GOLGA3: variants seen among roughly 807,000 people sequenced by gnomAD.
GOLGA3 encodes the protein golgin A3.
GOLGA3 carries 75 observed loss-of-function variants against 169.4 expected under a neutral mutation model. The ratio of observed to expected loss-of-function variants is 0.44; its 90% CI spans 0.37 to 0.54. The LOEUF (loss-of-function observed/expected upper bound fraction) is 0.54, where lower values mean the gene tolerates loss of function less well. Among genes scored for constraint, GOLGA3 ranks in the 20% least tolerant of loss-of-function variants. GOLGA3 has a pLI of 0.00. For missense variants in GOLGA3, 1,899 were observed against 1,930.0 expected (o/e 0.98, Z 0.30); for synonymous variants, 824 against 822.4 (o/e 1.00, Z -0.03).
chr12:132,791,338 G>A (rs372674274), intron 11 of GOLGA3, 45 bp from the exon 12 acceptor site: 4 of 1,103,388 alleles, frequency 3.6e-6, no homozygotes, highest in African/African-American at 3.1e-5. Flanking sequence ...GGCTCCAGGA[G>A]GGGAATCTGT....
chr12:132,786,186 T>C (rs1250328154), intron 15 of GOLGA3, among the ~76,000 whole-genome samples, 153 bp downstream of exon 15: 1 of 151,964 alleles, frequency 6.6e-6, no homozygotes, highest in East Asian at 1.9e-4. Context: ...TGTGGGTTCC[T>C]GGTAACCTGG....
chr12:132,797,693 C>T (rs1318672265), intron 9 of GOLGA3, among the ~76,000 whole-genome samples: 1 of 150,528 alleles, frequency 6.6e-6, no homozygotes, highest in Non-Finnish European at 1.5e-5. Flanking sequence ...CCCTGGGCGA[C>T]AAGAGCAAAA....
intron 8 of GOLGA3, among the ~76,000 whole-genome samples, chr12:132,799,572 C>T (rs1949030782): frequency 6.6e-6 from 1 of 152,128 alleles, no homozygotes. Flanking sequence ...CCCAACAGGT[C>T]AAGGCTGCAG....
intron 16 of GOLGA3, chr12:132,783,722 C>A (rs977259958): frequency 7.3e-6 from 2 of 273,528 alleles, no homozygotes; most frequent in African/African-American, 2.2e-5. Context: ...GGACTACAGG[C>A]ACCCGCCACC....
chr12:132,791,093 A>G (rs1460606183), intron 12 of GOLGA3, 123 bp downstream of exon 12: 6 of 342,472 alleles, frequency 1.8e-5, no homozygotes, highest in African/African-American at 1.1e-4. Context: ...AAAAATTTAA[A>G]GAGAACTCAA....
rs114372795 is a variant in GOLGA3 at position 132,828,505 on chromosome 12, T to C, written c.-184+298A>G. 162 of 152,264 alleles carry C rather than the reference T, an allele frequency of 1.1e-3. 1 individual carries two copies. Among genetic ancestry groups the C allele is most frequent in the African/African-American group, 3.6e-3 (150 of 41,542 alleles). 9.4% of individuals were successfully genotyped at this position (152,264 alleles called of 1,614,324 possible). A position where few individuals can be genotyped will look rare whatever the true frequency, so the allele number is the denominator to read the frequency against. ...CAGGCTAAAGCAAGCACTGCCCGAGTGGTGGCAGTGGACAGCTTCGGGACA... is the reference window on the plus strand; with the variant it reads ...CAGGCTAAAGCAAGCACTGCCCGAGCGGTGGCAGTGGACAGCTTCGGGACA... On this transcript the variant is annotated intron_variant, in intron 1 of 23. Transcript: ENST00000450791.
chr12:132,773,090 G>T lies in GOLGA3; in HGVS notation c.*15C>A, dbSNP rs1230614650. ...CCTTCTGGGGCAGCGGCGCACGGAGGCGAGTCCACAGCAGTCACTCTCCCG... is the reference window on the plus strand; with the variant it reads ...CCTTCTGGGGCAGCGGCGCACGGAGTCGAGTCCACAGCAGTCACTCTCCCG... On this transcript the variant is annotated 3_prime_UTR_variant, in exon 24 of 24. Coordinates refer to ENST00000450791, the MANE Select transcript of GOLGA3 (RefSeq NM_001389683.1). 1.3e-6 allele frequency: 2 copies of T among 1,531,684 alleles called. No individual in the cohort carries two copies. The highest frequency in any genetic ancestry group is 1.8e-6 in the Non-Finnish European group (2 of 1,131,770). The allele number at this position is 1,531,684 out of a possible 1,614,324, so 94.9% of individuals were successfully genotyped here. A position where few individuals can be genotyped will look rare whatever the true frequency, so the allele number is the denominator to read the frequency against.
chr12:132,821,183 G>GGA (rs1950194183), intron 2 of GOLGA3, among the ~76,000 whole-genome samples: 1 of 151,292 alleles, frequency 6.6e-6, no homozygotes, highest in Admixed American at 6.6e-5. Context: ...AAGGTGGGCG[G>GGA]ATCACCTGAG....
chr12:132,798,082 C>A (rs1948945448), intron 9 of GOLGA3, among the ~76,000 whole-genome samples: 2 of 149,932 alleles, frequency 1.3e-5, no homozygotes, highest in Admixed American at 6.8e-5. Context: ...ACTAAGCCCC[C>A]ACAGGTGAGG....
At chr12:132,783,690 G>A (rs938597011) in intron 16 of GOLGA3, among the ~76,000 whole-genome samples, 2 of 152,302 alleles carry the variant, frequency 1.3e-5, no homozygotes, top group Non-Finnish European at 2.9e-5. Flanking sequence ...CGGTTTACCT[G>A]CCTCAGCCAC....
intron 1 of GOLGA3, chr12:132,826,255 A>AAG: frequency 7.9e-7 from 1 of 1,272,000 alleles, no homozygotes; most frequent in Non-Finnish European, 1.1e-6. Context: ...AAAAAAAAAA[A>AAG]AAAGAAACTG....
At chr12:132,818,097 G>T (rs1321200392) in intron 2 of GOLGA3, among the ~76,000 whole-genome samples, 1 of 138,862 alleles carries the variant, frequency 7.2e-6, no homozygotes, top group Non-Finnish European at 1.5e-5. Flanking sequence ...ACGCTCTAAG[G>T]TGAACCCCCC....
At position 132,786,413 on chromosome 12, in the gene GOLGA3, T is replaced by G. The variant is rs1356517397; in HGVS notation, c.3049A>C (p.Lys1017Gln). The change falls in exon 15 of 24, where the codon AAG becomes CAG. Residue 1017 changes from lysine (K) to glutamine (Q), a missense_variant. By Grantham distance (53) the Lys-to-Gln change is moderately conservative (BLOSUM62 1). Transcript: ENST00000450791. ...SRRLQEALAAKEAADAELGQL... is the reference protein window; with the variant it reads ...SRRLQEALAAQEAADAELGQL... ...CCCAGCTCCGCGTCCGCAGCCTCCT[T>G]GGCCGCGAGGGCCTCCTGCAGGCGG... 6.2e-7 allele frequency: 1 copy of G among 1,613,184 alleles called. No homozygotes were observed. Among genetic ancestry groups the G allele is most frequent in the East Asian group, 2.2e-5 (1 of 44,840 alleles).
rs374449071 is a variant in GOLGA3 at position 132,786,600 on chromosome 12, G to A, written c.2907-45C>T. 7.3e-5 allele frequency: 116 copies of A among 1,599,342 alleles called. No homozygotes were observed. The African/African-American group carries it at 1.0e-3, about 14-fold the overall frequency. On this transcript the variant is annotated intron_variant, in intron 14 of 23. Transcript: ENST00000450791. The stretch of plus-strand genomic sequence containing the variant: ...ACACAGGAGGAAGCTGAATTATCCC[G>A]ATGTGACCGTCTGGCATTCTGGTTC...
chr12:132,790,824 G>C (rs1038054533), intron 12 of GOLGA3, among the ~76,000 whole-genome samples: 3 of 151,942 alleles, frequency 2.0e-5, no homozygotes, highest in Non-Finnish European at 4.4e-5. Flanking sequence ...GAGGAGGGTG[G>C]ATCACCTGAG....
chr12:132,798,061 G>A (rs906168910), intron 9 of GOLGA3, among the ~76,000 whole-genome samples: 7 of 152,050 alleles, frequency 4.6e-5, no homozygotes, highest in Non-Finnish European at 8.8e-5. Flanking sequence ...AGAGCCGCAA[G>A]TGCTCACTGC....
chr12:132,796,423 C>T, intron 10 of GOLGA3, 116 bp downstream of exon 10: 1 of 1,290,172 alleles, frequency 7.8e-7, no homozygotes, highest in East Asian at 2.3e-5. Flanking sequence ...AGCCCAACTC[C>T]CACCTGAGCG....
chr12:132,795,765 AAAAGAAAG>A, intron 11 of GOLGA3, 79 bp downstream of exon 11: 2 of 1,410,602 alleles, frequency 1.4e-6, no homozygotes, highest in Non-Finnish European at 1.9e-6. Flanking sequence ...TTTCAAAAAA[AAAAGAAAG>A]AAAGAAAGAA....
chr12:132,791,111 CCTT>C, intron 12 of GOLGA3, 102 bp downstream of exon 12: 1 of 330,962 alleles, frequency 3.0e-6, no homozygotes. Context: ...CAAGATGTTA[CCTT>C]CTTCTCAACT....
Sources: gnomAD v4.1 joint callset for allele counts (sites outside exome capture counted in the v4.1 genomes callset) on GRCh38, gnomAD v4.1.1 for gene constraint, MANE v1.5 for transcripts, NCBI Gene and HGNC (gene_info 2026-07-23, HGNC 2026-07-21) for gene names.